PCDHGA4: variants seen among roughly 807,000 people sequenced by gnomAD.
PCDHGA4 encodes the protein protocadherin gamma subfamily A, 4, also known as protocadherin gamma-A4.
PCDHGA4 carries 38 observed loss-of-function variants against 54.6 expected under a neutral mutation model. That is an observed-to-expected ratio of 0.70 (90% CI 0.54 to 0.91). The LOEUF (loss-of-function observed/expected upper bound fraction) is 0.91, where lower values mean the gene tolerates loss of function less well. Among genes scored for constraint, PCDHGA4 ranks in the 40% least tolerant of loss-of-function variants. PCDHGA4 has a pLI of 0.00. For missense variants in PCDHGA4, 1,298 were observed against 1,220.9 expected, an observed-to-expected ratio of 1.06 and a Z score of -0.94; for synonymous variants, 511 against 512.9, an observed-to-expected ratio of 1.00 and a Z score of 0.05.
intron 1 of PCDHGA4, among the ~76,000 whole-genome samples, chr5:141,381,798 C>CTCTTCCTTTCTT (rs1777449069): frequency 6.9e-6 from 1 of 144,134 alleles, no homozygotes; most frequent in African/African-American, 2.7e-5. Flanking sequence ...AGGCAATTCC[C>CTCTTCCTTTCTT]TCTTTCTTTC....
intron 1 of PCDHGA4, chr5:141,400,663 A>T: frequency 4.0e-6 from 4 of 995,312 alleles, no homozygotes; most frequent in Non-Finnish European, 6.0e-6. Flanking sequence ...ACCATTCTTT[A>T]AGAGGAGCAG....
In PCDHGA4 at chr5:141,493,548, G is replaced by A. The variant is rs1243278355; in HGVS notation, c.2515-1259G>A. 3.9e-5 allele frequency among the ~76,000 whole-genome samples: 6 copies of A among 152,196 alleles called. No homozygotes were observed. ...AAACTTGGCCAGTTATCCTTTTGGA[G>A]ATTGAGTTCCCCCAGCTCCGTTTCC... On this transcript the variant is annotated intron_variant, in intron 1 of 3. Coordinates refer to ENST00000571252, the MANE Select transcript of PCDHGA4 (RefSeq NM_018917.4). This position sits in a 1 kb window ranked among gnomAD's most constrained non-coding sequence, Gnocchi z 4.3.
chr5:141,487,811 A>T lies in PCDHGA4; in HGVS notation c.2515-6996A>T, dbSNP rs1389081995. 2.1e-6 allele frequency: 3 copies of T among 1,414,662 alleles called. No homozygotes were observed. In the African/African-American group the frequency reaches 4.3e-5, roughly 20 times the overall value. 87.6% of individuals were successfully genotyped at this position (1,414,662 alleles called of 1,614,324 possible). A position where few individuals can be genotyped will look rare whatever the true frequency, so the allele number is the denominator to read the frequency against. ...TTAACCAGAGTTGTCACAGTTTAGCATTGGGGGCGGGTCATGCCTATATCT... is the reference window on the plus strand; with the variant it reads ...TTAACCAGAGTTGTCACAGTTTAGCTTTGGGGGCGGGTCATGCCTATATCT... On this transcript the variant is annotated intron_variant, in intron 1 of 3. Transcript: ENST00000571252. The surrounding 1 kb of genome is among the most constrained non-coding windows in gnomAD (Gnocchi z 5.0).
rs56172360 is a variant in PCDHGA4, at chr5:141,369,006, T to C, written c.2514+11385T>C. 9.9e-3 allele frequency among the ~76,000 whole-genome samples: 1,506 copies of C among 152,332 alleles called. 25 individuals are homozygous for C. Among genetic ancestry groups the C allele is most frequent in the African/African-American group, 0.034 (1,404 of 41,566 alleles). ...TAAGGTGAATTCGGTGTGGAACTCA[T>C]TGCTTATTGCTGCACACTTGCCTAG... On this transcript the variant is annotated intron_variant, in intron 1 of 3. Transcript: ENST00000571252.
rs1298448753 is a variant in PCDHGA4 at position 141,486,417 on chromosome 5, G to A, written c.2515-8390G>A. 1 of 1,614,132 alleles carries A rather than the reference G, an allele frequency of 6.2e-7. No individual in the cohort carries two copies. Among genetic ancestry groups the A allele is most frequent in the Non-Finnish European group, 8.5e-7 (1 of 1,179,998 alleles). ...CTGGTGACTGCTGGACCCTTGGATC[G>A]AGAGGCCAAATCTAGCTATGACATC... On this transcript the variant is annotated intron_variant, in intron 1 of 3. Transcript: ENST00000571252. The surrounding 1 kb of genome is among the most constrained non-coding windows in gnomAD (Gnocchi z 5.0).
At chr5:141,404,580 G>C (rs769739876) in intron 1 of PCDHGA4, 2 of 1,613,866 alleles carry the variant, frequency 1.2e-6, no homozygotes, top group Non-Finnish European at 1.7e-6. Context: ...CCACCACTTA[G>C]CAGCAATGTG....
At chr5:141,384,270 C>T in intron 1 of PCDHGA4, 1 of 1,613,890 alleles carries the variant, frequency 6.2e-7, no homozygotes, top group Non-Finnish European at 8.5e-7. Flanking sequence ...ACTCATCCTA[C>T]TCAGTCTACA....
At chr5:141,410,764 A>G (rs1288407043) in intron 1 of PCDHGA4, 2 of 1,105,068 alleles carry the variant, frequency 1.8e-6, no homozygotes, top group African/African-American at 1.6e-5. Context: ...TTTTTCAATT[A>G]TAGTTTTCAC....
At chr5:141,380,987 C>G (rs1776914459) in intron 1 of PCDHGA4, among the ~76,000 whole-genome samples, 1 of 152,202 alleles carries the variant, frequency 6.6e-6, no homozygotes. Context: ...GAATTTAACT[C>G]CAGTTTACAG....
chr5:141,394,228 T>C lies in PCDHGA4; in HGVS notation c.2514+36607T>C, dbSNP rs1236057008. On this transcript the variant is annotated intron_variant, in intron 1 of 3. Transcript: ENST00000571252. ...AACAACCTGAGAGGAGCCTCCATCT[T>C]TTCCTTGACTGCACACGACCCCGAC... is the stretch of plus-strand genomic sequence containing the variant. 3.7e-6 allele frequency: 6 copies of C among 1,613,886 alleles called. No individual in the cohort carries two copies. The South Asian group carries it at 4.4e-5, about 12-fold the overall frequency.
At chr5:141,400,791 T>C in intron 1 of PCDHGA4, 1 of 562,286 alleles carries the variant, frequency 1.8e-6, no homozygotes, top group Non-Finnish European at 3.1e-6. Flanking sequence ...TTTGTCCTCT[T>C]TCTCAAAGCT....
At chr5:141,473,853 C>T (rs2099329853) in intron 1 of PCDHGA4, among the ~76,000 whole-genome samples, 1 of 152,128 alleles carries the variant, frequency 6.6e-6, no homozygotes, top group Non-Finnish European at 1.5e-5. Flanking sequence ...GGAAGATGAA[C>T]CTCGCTATTG....
At chr5:141,501,718 A>G (rs914077060) in intron 2 of PCDHGA4, among the ~76,000 whole-genome samples, 1 of 152,152 alleles carries the variant, frequency 6.6e-6, no homozygotes, top group Non-Finnish European at 1.5e-5. Flanking sequence ...AAAAAGACAA[A>G]TATATTACCC....
chr5:141,384,852 G>A, intron 1 of PCDHGA4: 1 of 1,613,646 alleles, frequency 6.2e-7, no homozygotes, highest in Non-Finnish European at 8.5e-7. Context: ...ACCACGGTCA[G>A]CCTCCTCTGT....
intron 1 of PCDHGA4, chr5:141,364,657 G>C: frequency 6.2e-7 from 1 of 1,614,034 alleles, no homozygotes; most frequent in South Asian, 1.1e-5. Context: ...TTAACATCTT[G>C]GTTGAGAACA....
In PCDHGA4 at chr5:141,476,229, C is replaced by T; in HGVS notation, c.2515-18578C>T. ...TCCACGGTCATTCACTATGAGATCC[C>T]GGAGGAAAGAGAGAAGGGTTTCGCT... On this transcript the variant is annotated intron_variant, in intron 1 of 3. Coordinates refer to ENST00000571252, the MANE Select transcript of PCDHGA4 (RefSeq NM_018917.4). The surrounding 1 kb of genome is among the most constrained non-coding windows in gnomAD (Gnocchi z 7.6). 1 of 1,613,872 alleles carries T rather than the reference C, an allele frequency of 6.2e-7. No individual in the cohort carries two copies. The highest frequency in any genetic ancestry group is 2.2e-5 in the East Asian group (1 of 44,822).
At chr5:141,374,728 GGATGGCGGCGACCCT>G (rs1422312768) in intron 1 of PCDHGA4, 1 of 1,610,428 alleles carries the variant, frequency 6.2e-7, no homozygotes, top group Admixed American at 1.7e-5. Context: ...TTACTGCCAT[GGATGGCGGCGACCCT>G]GTCCGCTCAA....
chr5:141,403,986 C>A (rs367739607), intron 1 of PCDHGA4: 12 of 1,613,586 alleles, frequency 7.4e-6, no homozygotes, highest in Admixed American at 1.7e-5. Flanking sequence ...GACAATAGAC[C>A]TGAAGTGACC....
At chr5:141,380,706 T>C (rs1203086162) in intron 1 of PCDHGA4, among the ~76,000 whole-genome samples, 1 of 152,260 alleles carries the variant, frequency 6.6e-6, no homozygotes, top group Non-Finnish European at 1.5e-5. Context: ...GTCTATAATT[T>C]AATTTAACTA....
Sources: gnomAD v4.1 joint callset for allele counts (sites outside exome capture counted in the v4.1 genomes callset) on GRCh38, gnomAD v4.1.1 for gene constraint, Gnocchi (gnomAD v3.1) non-coding constraint, MANE v1.5 for transcripts, NCBI Gene and HGNC (gene_info 2026-07-23, HGNC 2026-07-21) for gene names.